ELL2: variants seen among roughly 807,000 people sequenced by gnomAD.
ELL2 encodes the protein elongation factor for RNA polymerase II 2.
A neutral mutation model predicts 72.8 loss-of-function variants in ELL2; 21 were observed. That is an observed-to-expected ratio of 0.29 (90% CI 0.20 to 0.42). The LOEUF (loss-of-function observed/expected upper bound fraction) is 0.42, where lower values mean the gene tolerates loss of function less well. ELL2 is among the 10% of genes least tolerant of loss of function. The pLI is 1.00. For synonymous variants in ELL2, 266 were observed against 283.2 expected, an observed-to-expected ratio of 0.94 and a Z score of 0.61; for missense variants, 568 against 772.8, an observed-to-expected ratio of 0.73 and a Z score of 3.14.
intron 1 of ELL2, among the ~76,000 whole-genome samples, chr5:95,951,080 C>T (rs536976512): frequency 6.6e-6 from 1 of 151,628 alleles, no homozygotes; most frequent in Non-Finnish European, 1.5e-5. Context: ...TTTAAATCAA[C>T]AACACTTGGC....
chr5:95,943,194 G>A (rs1224826279), intron 1 of ELL2, 145 bp from the exon 2 acceptor site: 2 of 504,060 alleles, frequency 4.0e-6, no homozygotes, highest in African/African-American at 4.1e-5. Context: ...GCTGAAGCAG[G>A]AGGATCACTT....
At chr5:95,943,277 A>AT (rs575159785) in intron 1 of ELL2, among the ~76,000 whole-genome samples, 2 of 151,770 alleles carry the variant, frequency 1.3e-5, no homozygotes, top group Non-Finnish European at 2.9e-5. Context: ...AAAAAAAAAA[A>AT]AAAGAAAGAA....
At chr5:95,909,697 A>T (rs1193351001) in intron 4 of ELL2, among the ~76,000 whole-genome samples, 6 of 152,226 alleles carry the variant, frequency 3.9e-5, no homozygotes, top group African/African-American at 1.4e-4. Flanking sequence ...GGCTCTTTAT[A>T]TAAACAGCAG....
chr5:95,898,268 T>C lies in ELL2; in HGVS notation c.1497A>G (p.Leu499=). Residue 499 remains leucine, a synonymous_variant, in exon 8 of 12, where the codon CTA becomes CTG. Coordinates refer to ENST00000237853, the MANE Select transcript of ELL2 (RefSeq NM_012081.6). The part of the protein sequence containing the change: ...DLKREEEIAK[L]NNSSPNSSGG... The stretch of plus-strand genomic sequence containing the variant: ...CACTGGAATTTGGACTGGAGTTATT[T>C]AGCTTGGCAATTTCCTCTTCTCTCT... 1 of 1,607,994 alleles carries C rather than the reference T, an allele frequency of 6.2e-7. No homozygotes were observed.
At position 95,951,043 on chromosome 5, in the gene ELL2, C is replaced by T. The variant is rs373031149; in HGVS notation, c.148-7994G>A. On this transcript the variant is annotated intron_variant, in intron 1 of 11. Transcript: ENST00000237853. ...CAAAAATCTAAACCAAACAACCAGC[C>T]AAAAAGTTAGTTACTGTGAACCAGC... Among the ~76,000 whole-genome samples the T allele has an allele frequency of 1.3e-4, 20 of 150,034 alleles. No individual in the cohort carries two copies. The East Asian group carries it at 2.9e-3, about 22-fold the overall frequency.
intron 2 of ELL2, among the ~76,000 whole-genome samples, chr5:95,923,531 G>A (rs1443432971): frequency 6.6e-6 from 1 of 152,200 alleles, no homozygotes; most frequent in Non-Finnish European, 1.5e-5. Flanking sequence ...TGCACGTCAT[G>A]AGTTTCTTTG....
At chr5:95,903,066 G>C (rs1749201703) in intron 5 of ELL2, among the ~76,000 whole-genome samples, 1 of 152,042 alleles carries the variant, frequency 6.6e-6, no homozygotes, top group African/African-American at 2.4e-5. Flanking sequence ...GATTATAGGT[G>C]TGAGCCACTA....
chr5:95,892,768 A>G (rs1366793573), intron 9 of ELL2, among the ~76,000 whole-genome samples: 1 of 152,208 alleles, frequency 6.6e-6, no homozygotes, highest in Admixed American at 6.5e-5. Flanking sequence ...TGATGCAGTG[A>G]GCAAACTTAG....
chr5:95,926,263 T>C (rs145479115), intron 2 of ELL2, among the ~76,000 whole-genome samples: 1 of 151,930 alleles, frequency 6.6e-6, no homozygotes, highest in African/African-American at 2.4e-5. Context: ...TAGCCTTCAC[T>C]GGCAATAGAA....
At chr5:95,903,153 CA>C (rs1463034694) in intron 5 of ELL2, among the ~76,000 whole-genome samples, 1 of 148,788 alleles carries the variant, frequency 6.7e-6, no homozygotes, top group Non-Finnish European at 1.5e-5. Context: ...CACAGCAATC[CA>C]TTTTCTAGGT....
chr5:95,905,746 G>GT (rs1749331168), intron 5 of ELL2, among the ~76,000 whole-genome samples: 4 of 128,600 alleles, frequency 3.1e-5, no homozygotes, highest in South Asian at 2.8e-4. Flanking sequence ...AAACCTGTAG[G>GT]GTTTTTTTTT....
At chr5:95,907,296 A>ATTTTTTTTTT (rs1211663802) in intron 4 of ELL2, among the ~76,000 whole-genome samples, 17 of 116,448 alleles carry the variant, frequency 1.5e-4, no homozygotes, top group South Asian at 9.2e-4. Flanking sequence ...ATATATATAT[A>ATTTTTTTTTT]TTTTTTTTTT....
intron 3 of ELL2, among the ~76,000 whole-genome samples, chr5:95,918,601 C>T (rs1580503838): frequency 6.6e-6 from 1 of 152,134 alleles, no homozygotes; most frequent in East Asian, 1.9e-4. Flanking sequence ...TACATAGTTT[C>T]AAGTACTGCA....
At chr5:95,944,369 A>G (rs1042215962) in intron 1 of ELL2, among the ~76,000 whole-genome samples, 1 of 152,244 alleles carries the variant, frequency 6.6e-6, no homozygotes, top group Non-Finnish European at 1.5e-5. Flanking sequence ...AGATCATTTA[A>G]CTTTAGACTT....
intron 1 of ELL2, among the ~76,000 whole-genome samples, chr5:95,956,631 C>T (rs1751637602): frequency 6.6e-6 from 1 of 152,050 alleles, no homozygotes; most frequent in African/African-American, 2.4e-5. Context: ...GAGAAAAAAG[C>T]AGAGTATGAG....
rs182825271 is a variant in ELL2 at position 95,913,945 on chromosome 5, A to C, written c.318-11T>G. On this transcript the variant is annotated splice_polypyrimidine_tract_variant and intron_variant, in intron 3 of 11. Coordinates refer to ENST00000237853, the MANE Select transcript of ELL2 (RefSeq NM_012081.6). ...TGGGAGGCTCCAGAGCTGTCAAGTA[A>C]GTCAGTGGCTTTGTTAGACATGACC... 2.5e-5 allele frequency: 39 copies of C among 1,575,188 alleles called. No individual in the cohort carries two copies. The East Asian group carries it at 9.1e-4, about 37-fold the overall frequency.
intron 2 of ELL2, among the ~76,000 whole-genome samples, chr5:95,928,598 A>C (rs1409865458): frequency 6.6e-6 from 1 of 152,076 alleles, no homozygotes; most frequent in Non-Finnish European, 1.5e-5. Flanking sequence ...CAAACACATA[A>C]TCGTAAGACT....
At chr5:95,903,184 C>A (rs1381472252) in intron 5 of ELL2, among the ~76,000 whole-genome samples, 3 of 145,484 alleles carry the variant, frequency 2.1e-5, no homozygotes, top group Non-Finnish European at 4.5e-5. Context: ...AGGACATTCT[C>A]CTGGTTTCCG....
chr5:95,944,281 A>ATTG (rs1222918859), intron 1 of ELL2, among the ~76,000 whole-genome samples: 1 of 152,214 alleles, frequency 6.6e-6, no homozygotes, highest in Non-Finnish European at 1.5e-5. Context: ...TCTTATTATT[A>ATTG]TTGATAAAAA....
Sources: allele counts gnomAD v4.1 joint callset (sites outside exome capture counted in the v4.1 genomes callset), GRCh38; gene constraint gnomAD v4.1.1; transcripts MANE v1.5; gene names NCBI Gene and HGNC (gene_info 2026-07-23, HGNC 2026-07-21).